NAP1L1: variants seen among roughly 807,000 people sequenced by gnomAD.
NAP1L1 encodes nucleosome assembly protein 1-like 1.
In NAP1L1, 9 loss-of-function variants were observed where a neutral mutation model predicts 58.9. The observed-to-expected ratio is 0.15, with a 90% CI of 0.09 to 0.27. The LOEUF (loss-of-function observed/expected upper bound fraction) is 0.27. Ranked by LOEUF, NAP1L1 falls within the 10% of genes least tolerant of loss-of-function variation. The probability of loss-of-function intolerance (pLI) is 1.00; values close to 1 mark genes in which losing one functional copy is unlikely to be tolerated. For synonymous variants in NAP1L1, 130 were observed against 138.3 expected, an observed-to-expected ratio of 0.94 and a Z score of 0.42; for missense variants, 302 against 458.8, an observed-to-expected ratio of 0.66 and a Z score of 3.12.
intron 6 of NAP1L1, chr12:76,059,536 TGTG>T (rs1334540460): frequency 5.6e-6 from 2 of 357,862 alleles, no homozygotes; most frequent in Admixed American, 4.6e-5. Flanking sequence ...AAATAAGACT[TGTG>T]GTGTTTTAAA....
chr12:76,083,473 CAAAAAAA>C (rs34033928), intron 1 of NAP1L1, among the ~76,000 whole-genome samples: 6 of 87,224 alleles, frequency 6.9e-5, no homozygotes, highest in Non-Finnish European at 1.1e-4. Flanking sequence ...CTTTTTTTTC[CAAAAAAA>C]AAAAAAAAAA....
chr12:76,056,776 G>GC, intron 6 of NAP1L1: 1 of 372,014 alleles, frequency 2.7e-6, no homozygotes, highest in Non-Finnish European at 5.3e-6. Flanking sequence ...ACTTTGGGAA[G>GC]TGAGGTGGGT....
intron 1 of NAP1L1, among the ~76,000 whole-genome samples, chr12:76,076,586 A>ATCTATC (rs1950190023): frequency 1.5e-5 from 2 of 134,744 alleles, no homozygotes; most frequent in African/African-American, 5.6e-5. Flanking sequence ...ATATATATAT[A>ATCTATC]TATATATCTC....
intron 4 of NAP1L1, 27 bp from the exon 5 acceptor site, chr12:76,060,306 G>C (rs749012611): frequency 1.2e-6 from 2 of 1,605,586 alleles, no homozygotes; most frequent in South Asian, 1.1e-5. Context: ...CAGTTATATA[G>C]CATCAGAGTA....
At chr12:76,049,118 G>C in intron 14 of NAP1L1, 82 bp downstream of exon 14, 1 of 1,371,950 alleles carries the variant, frequency 7.3e-7, no homozygotes, top group South Asian at 1.2e-5. Context: ...GACTTTAACG[G>C]AGAGAAACTT....
chr12:76,073,216 C>G (rs1186670474), intron 2 of NAP1L1, among the ~76,000 whole-genome samples: 1 of 151,986 alleles, frequency 6.6e-6, no homozygotes, highest in East Asian at 1.9e-4. Context: ...ATTTGTACTT[C>G]TATGTGTTGA....
intron 6 of NAP1L1, chr12:76,057,966 C>A: frequency 2.0e-6 from 2 of 977,522 alleles, no homozygotes; most frequent in Non-Finnish European, 3.3e-6. Context: ...TTAAATCACA[C>A]AAAGATTTTT....
chr12:76,062,971 G>A (rs1172001674), intron 4 of NAP1L1, among the ~76,000 whole-genome samples: 1 of 151,988 alleles, frequency 6.6e-6, no homozygotes, highest in Non-Finnish European at 1.5e-5. Flanking sequence ...AAGAAACACT[G>A]AAATAAAGAA....
At chr12:76,062,155 G>C (rs543121173) in intron 4 of NAP1L1, among the ~76,000 whole-genome samples, 1 of 152,184 alleles carries the variant, frequency 6.6e-6, no homozygotes, top group Admixed American at 6.5e-5. Context: ...AGCCCAATGC[G>C]AGGGTTGATG....
At chr12:76,069,249 T>C (rs1470779761) in intron 2 of NAP1L1, among the ~76,000 whole-genome samples, 1 of 152,202 alleles carries the variant, frequency 6.6e-6, no homozygotes, top group Non-Finnish European at 1.5e-5. Context: ...TTGCAGGTTT[T>C]TGGGGAATGT....
chr12:76,050,562 G>GT lies in NAP1L1; in HGVS notation c.1027dup (p.Thr343AsnfsTer6). 1 of 1,608,470 alleles carries GT rather than the reference G, an allele frequency of 6.2e-7. No homozygotes were observed. The highest frequency in any genetic ancestry group is 8.5e-7 in the Non-Finnish European group (1 of 1,178,706). ...ATCATCATCTTCAATAGCTTCTCCA[G>GT]TAAAATATAACACTGATCTTGGGAT... On this transcript the variant is annotated frameshift_variant, in exon 12 of 15. Coordinates refer to ENST00000618691, the MANE Select transcript of NAP1L1 (RefSeq NM_004537.7). LOFTEE classifies it high-confidence loss of function.
intron 4 of NAP1L1, among the ~76,000 whole-genome samples, chr12:76,065,238 T>C (rs867782554): frequency 1.3e-5 from 2 of 151,514 alleles, no homozygotes; most frequent in Middle Eastern, 3.4e-3. Flanking sequence ...TCTTAATTGA[T>C]ACAGTTAAAA....
In NAP1L1 at chr12:76,042,799, G is replaced by A. The variant is rs147740647; in HGVS notation, c.*5630C>T. 6.6e-6 allele frequency: 1 copy of A among 152,264 alleles called. No individual in the cohort carries two copies. Among genetic ancestry groups the A allele is most frequent in the African/African-American group, 2.4e-5 (1 of 41,544 alleles). 9.4% of individuals were successfully genotyped at this position (152,264 alleles called of 1,614,324 possible). On this transcript the variant is annotated 3_prime_UTR_variant, in exon 15 of 15. Transcript: ENST00000618691. ...TAATACTCCCTATTCTAAGAAGCCA[G>A]CAATCCTTGGAGAAATGGCCCATTC...
intron 1 of NAP1L1, chr12:76,084,042 G>C (rs1221459470): frequency 6.6e-6 from 1 of 152,158 alleles, no homozygotes; most frequent in Admixed American, 6.5e-5. Context: ...CCCCGCCTCG[G>C]GGACTCGTCC....
intron 6 of NAP1L1, chr12:76,056,965 T>C (rs1448574651): frequency 4.2e-6 from 1 of 240,334 alleles, no homozygotes; most frequent in Non-Finnish European, 8.4e-6. Context: ...AAGCCGAGAC[T>C]GCACTCCAGC....
intron 1 of NAP1L1, among the ~76,000 whole-genome samples, chr12:76,075,651 A>G (rs2137091463): frequency 6.6e-6 from 1 of 152,336 alleles, no homozygotes; most frequent in South Asian, 2.1e-4. Flanking sequence ...CAGCATTTAC[A>G]AAGTGTTTAG....
Position 76,048,035 on chromosome 12 carries a change from C to T in NAP1L1, c.*394G>A. The T allele has an allele frequency of 5.7e-6, 1 of 176,906 alleles. No homozygotes were observed. The highest frequency in any genetic ancestry group is 1.2e-5 in the Non-Finnish European group (1 of 85,212). 11.0% of individuals were successfully genotyped at this position (176,906 alleles called of 1,614,324 possible). A position where few individuals can be genotyped will look rare whatever the true frequency, so the allele number is the denominator to read the frequency against. On this transcript the variant is annotated 3_prime_UTR_variant, in exon 15 of 15. Transcript: ENST00000618691. ...AAAGTAATGAAAGGCACAGCTAATCCAAGCGGACTTAACCCTATTCAACAA... is the reference window on the plus strand; with the variant it reads ...AAAGTAATGAAAGGCACAGCTAATCTAAGCGGACTTAACCCTATTCAACAA...
intron 8 of NAP1L1, among the ~76,000 whole-genome samples, chr12:76,054,681 G>A (rs901465710): frequency 1.3e-5 from 2 of 152,170 alleles, no homozygotes; most frequent in Non-Finnish European, 2.9e-5. Context: ...CAGCTTGTTG[G>A]CTGATCTTTC....
intron 13 of NAP1L1, chr12:76,049,537 C>T (rs1332778178): frequency 6.5e-7 from 1 of 1,534,450 alleles, no homozygotes; most frequent in African/African-American, 1.4e-5. Context: ...TGCAGCAGAA[C>T]AAAATTATTT....
Sources: allele counts gnomAD v4.1 joint callset (sites outside exome capture counted in the v4.1 genomes callset), GRCh38; gene constraint gnomAD v4.1.1; transcripts MANE v1.5; gene names NCBI Gene and HGNC (gene_info 2026-07-23, HGNC 2026-07-21).